Variants in GCDH observed in about 807,000 individuals in gnomAD.
GCDH encodes the protein glutaryl-CoA dehydrogenase, mitochondrial.
A neutral mutation model predicts 52.8 loss-of-function variants in GCDH; 31 were observed. The ratio of observed to expected loss-of-function variants is 0.59; its 90% CI spans 0.44 to 0.79. The LOEUF (loss-of-function observed/expected upper bound fraction) is 0.79, where lower values mean the gene tolerates loss of function less well. GCDH is among the 30% of genes least tolerant of loss of function. GCDH has a pLI of 0.00. For synonymous variants in GCDH, 242 were observed against 250.0 expected, an observed-to-expected ratio of 0.97 and a Z score of 0.30; for missense variants, 509 against 595.0, an observed-to-expected ratio of 0.86 and a Z score of 1.50.
At chr19:12,895,415 C>T (rs551432880) in intron 6 of GCDH, among the ~76,000 whole-genome samples, 59 of 152,028 alleles carry the variant, frequency 3.9e-4, no homozygotes, top group African/African-American at 1.4e-3. Flanking sequence ...GCTTGCTACC[C>T]GTGCCTGGCT....
At chr19:12,899,403 T>C in intron 11 of GCDH, 65 bp from the exon 12 acceptor site, 3 of 1,614,092 alleles carry the variant, frequency 1.9e-6, no homozygotes, top group East Asian at 2.2e-5. Flanking sequence ...TACATGAAAA[T>C]TGATTTTAAA....
chr19:12,898,928 C>T (rs1042600529), intron 11 of GCDH: 27 of 234,828 alleles, frequency 1.1e-4, no homozygotes, highest in Admixed American at 6.7e-4. Flanking sequence ...CTGGGAGAGG[C>T]GGCTTCAGAT....
In GCDH at chr19:12,899,761, T is replaced by C; in HGVS notation, c.*220T>C. 1 of 1,610,366 alleles carries C rather than the reference T, an allele frequency of 6.2e-7. No individual in the cohort carries two copies. Among genetic ancestry groups the C allele is most frequent in the Non-Finnish European group, 8.5e-7 (1 of 1,177,560 alleles). Reference sequence around the variant, plus strand: ...CTCTGTAGAGCGTCTCAATCCACTTTTAACCATGGATGAGAGCAGACTCCA... The same window carrying C: ...CTCTGTAGAGCGTCTCAATCCACTTCTAACCATGGATGAGAGCAGACTCCA... On this transcript the variant is annotated 3_prime_UTR_variant, in exon 12 of 12. Coordinates refer to ENST00000222214, the MANE Select transcript of GCDH (RefSeq NM_000159.4).
intron 11 of GCDH, chr19:12,899,012 A>G (rs1480096354): frequency 7.8e-6 from 3 of 382,792 alleles, no homozygotes; most frequent in South Asian, 2.5e-5. Flanking sequence ...AGGGTAAGAA[A>G]GGGCTTGCTG....
At chr19:12,891,672 G>T in intron 3 of GCDH, 150 bp downstream of exon 3, 1 of 1,604,816 alleles carries the variant, frequency 6.2e-7, no homozygotes, top group Non-Finnish European at 8.5e-7. Flanking sequence ...TGAGTGCGCT[G>T]TGCCTGCGGG....
chr19:12,894,522 C>T (rs1970630280), intron 6 of GCDH: 1 of 685,576 alleles, frequency 1.5e-6, no homozygotes, highest in African/African-American at 1.8e-5. Flanking sequence ...ACTATGATGC[C>T]TCGTCACCTG....
intron 6 of GCDH, among the ~76,000 whole-genome samples, chr19:12,895,304 G>A (rs1273260523): frequency 2.8e-4 from 43 of 152,078 alleles, no homozygotes; most frequent in Non-Finnish European, 4.4e-5. Context: ...CCGTCCCCCA[G>A]GCTGAAGTGC....
intron 11 of GCDH, 129 bp from the exon 12 acceptor site, chr19:12,899,339 T>C (rs1400637087): frequency 1.2e-6 from 2 of 1,613,768 alleles, no homozygotes; most frequent in South Asian, 1.1e-5. Flanking sequence ...TCCCGGCAGC[T>C]GTCAGCATTC....
At chr19:12,891,731 G>T (rs760467479) in intron 3 of GCDH, 100 bp from the exon 4 acceptor site, 516 of 1,606,582 alleles carry the variant, frequency 3.2e-4, no homozygotes, top group Non-Finnish European at 4.2e-4. Flanking sequence ...CGCACTAGCC[G>T]GGGGGCGACA....
intron 6 of GCDH, among the ~76,000 whole-genome samples, chr19:12,895,643 G>C (rs1276765548): frequency 6.6e-6 from 1 of 151,662 alleles, no homozygotes; most frequent in African/African-American, 2.4e-5. Flanking sequence ...ATGGAGTCTT[G>C]CTCTGTTGCC....
intron 6 of GCDH, chr19:12,894,370 G>A (rs918306031): frequency 2.6e-6 from 2 of 762,172 alleles, no homozygotes. Context: ...ACTGAGTAAG[G>A]GGCATTCCTA....
chr19:12,897,513 C>T, intron 10 of GCDH, 85 bp downstream of exon 10: 1 of 1,529,606 alleles, frequency 6.5e-7, no homozygotes, highest in Non-Finnish European at 9.0e-7. Context: ...GTCCTTCCTG[C>T]CTGGTGGCCC....
Position 12,897,033 on chromosome 19 carries a change from A to T in GCDH, c.956+20A>T, listed in dbSNP as rs1354785059. The T allele has an allele frequency of 1.9e-6, 3 of 1,585,056 alleles. No homozygotes were observed. Among genetic ancestry groups the T allele is most frequent in the Non-Finnish European group, 2.6e-6 (3 of 1,156,218 alleles). On this transcript the variant is annotated intron_variant, in intron 9 of 11. Transcript: ENST00000222214. ...CGACAGGTGTGTGAGGGCTGCAGTG[A>T]GATTCTCTGGGGGTGTGGGGCAGCT...
chr19:12,893,766 G>C, intron 6 of GCDH, 113 bp downstream of exon 6: 1 of 1,003,194 alleles, frequency 1.0e-6, no homozygotes, highest in Non-Finnish European at 1.6e-6. Context: ...GATAGCATAA[G>C]TGGCCACCTG....
intron 11 of GCDH, chr19:12,899,060 G>A: frequency 2.1e-6 from 1 of 487,744 alleles, no homozygotes; most frequent in Non-Finnish European, 3.7e-6. Flanking sequence ...CAGCCTCTGT[G>A]GCAAGGAAGC....
intron 10 of GCDH, 32 bp from the exon 11 acceptor site, chr19:12,897,671 C>A: frequency 6.2e-7 from 1 of 1,613,104 alleles, no homozygotes; most frequent in Non-Finnish European, 8.5e-7. Context: ...CCAGGATCCC[C>A]AGTCCTTGTT....
At chr19:12,899,105 G>A in intron 11 of GCDH, 1 of 576,328 alleles carries the variant, frequency 1.7e-6, no homozygotes, top group Non-Finnish European at 3.1e-6. Flanking sequence ...TTAATAAACT[G>A]TGGGGCTGGG....
Position 12,899,731 on chromosome 19 carries a change from G to A in GCDH, c.*190G>A, listed in dbSNP as rs1970791022. Reference sequence around the variant, plus strand: ...AGATGTGTTCCTTAAAAAGAAGATGGAATTCTCTGTAGAGCGTCTCAATCC... The same window carrying A: ...AGATGTGTTCCTTAAAAAGAAGATGAAATTCTCTGTAGAGCGTCTCAATCC... On this transcript the variant is annotated 3_prime_UTR_variant, in exon 12 of 12. Transcript: ENST00000222214. 1 of 1,612,122 alleles carries A rather than the reference G, an allele frequency of 6.2e-7. No individual in the cohort carries two copies. Among genetic ancestry groups the A allele is most frequent in the Non-Finnish European group, 8.5e-7 (1 of 1,179,140 alleles).
Position 12,897,818 on chromosome 19 carries a change from G to A in GCDH, c.1198G>A (p.Val400Met), listed in dbSNP as rs121434372. The change falls in exon 11 of 12, where the codon GTG (valine) becomes ATG (methionine). Residue 400 changes from valine to methionine, a missense_variant. Transcript: ENST00000222214. ...GAATGGGATTTCTGACGAGTATCAC[G>A]TGATCCGGCACGCCATGAACCTGGA... The part of the protein sequence containing the change: ...GGNGISDEYH[V>M]IRHAMNLEAV... 1.3e-4 allele frequency: 206 copies of A among 1,614,012 alleles called. No homozygotes were observed. Among genetic ancestry groups the A allele is most frequent in the Non-Finnish European group, 1.6e-4 (184 of 1,179,978 alleles).
Sources: allele counts gnomAD v4.1 joint callset (sites outside exome capture counted in the v4.1 genomes callset), GRCh38; gene constraint gnomAD v4.1.1; transcripts MANE v1.5; gene names NCBI Gene and HGNC (gene_info 2026-07-23, HGNC 2026-07-21).